NOL4L: variants seen among roughly 807,000 people sequenced by gnomAD.
NOL4L encodes the protein nucleolar protein 4-like.
Under a neutral mutation model 64.5 loss-of-function variants are expected in NOL4L, and 7 were observed. That is an observed-to-expected ratio of 0.11 (90% CI 0.06 to 0.20). The LOEUF is 0.20. Among genes scored for constraint, NOL4L ranks in the 10% least tolerant of loss-of-function variants. NOL4L has a pLI of 1.00. For synonymous variants in NOL4L, 413 were observed against 401.0 expected, an observed-to-expected ratio of 1.03 and a Z score of -0.36; for missense variants, 680 against 967.1, an observed-to-expected ratio of 0.70 and a Z score of 3.94.
At chr20:32,544,386 C>G (rs1226587824) in intron 1 of NOL4L, among the ~76,000 whole-genome samples, 3 of 151,898 alleles carry the variant, frequency 2.0e-5, no homozygotes, top group Non-Finnish European at 1.5e-5. Context: ...GCAGCTGGTA[C>G]CTGAGCAGGG....
At chr20:32,539,176 A>C (rs2018611092) in intron 1 of NOL4L, among the ~76,000 whole-genome samples, 1 of 152,152 alleles carries the variant, frequency 6.6e-6, no homozygotes, top group Non-Finnish European at 1.5e-5. Flanking sequence ...CTGCTCCAGC[A>C]AAGCACTGGG....
chr20:32,469,009 G>A (rs1474238781), intron 5 of NOL4L, among the ~76,000 whole-genome samples: 2 of 152,094 alleles, frequency 1.3e-5, no homozygotes, highest in Non-Finnish European at 2.9e-5. Context: ...CAGTCCCTGT[G>A]GTCTGGGCAA....
intron 4 of NOL4L, among the ~76,000 whole-genome samples, chr20:32,491,397 C>T (rs2016464052): frequency 6.6e-6 from 1 of 152,220 alleles, no homozygotes; most frequent in African/African-American, 2.4e-5. Context: ...CACCTTCCAC[C>T]TCAGCCAAAT....
intron 1 of NOL4L, among the ~76,000 whole-genome samples, chr20:32,551,075 A>G (rs2018794889): frequency 6.6e-6 from 1 of 151,440 alleles, no homozygotes; most frequent in African/African-American, 2.4e-5. Context: ...TAATAATAAT[A>G]CAGTATTATA....
At chr20:32,494,144 T>C (rs996139303) in intron 4 of NOL4L, among the ~76,000 whole-genome samples, 1 of 150,316 alleles carries the variant, frequency 6.7e-6, no homozygotes, top group Admixed American at 6.7e-5. Flanking sequence ...TCCTAGCTAC[T>C]TGGGAGGCTG....
chr20:32,577,175 CAGACCCCTG>C (rs1450704289), intron 1 of NOL4L, among the ~76,000 whole-genome samples: 1 of 152,206 alleles, frequency 6.6e-6, no homozygotes, highest in Non-Finnish European at 1.5e-5. Flanking sequence ...GAGATGGGCT[CAGACCCCTG>C]CCGGAGGGAG....
intron 5 of NOL4L, among the ~76,000 whole-genome samples, chr20:32,468,756 A>G (rs1363126684): frequency 6.6e-6 from 1 of 151,914 alleles, no homozygotes; most frequent in Admixed American, 6.5e-5. Flanking sequence ...AAAATTAGCC[A>G]GGCGTGGTGG....
chr20:32,462,428 G>C (rs943960293), intron 5 of NOL4L, among the ~76,000 whole-genome samples: 8 of 152,170 alleles, frequency 5.3e-5, no homozygotes, highest in Non-Finnish European at 1.0e-4. Flanking sequence ...CCCACAGGAG[G>C]GGGTGGTGCC....
At chr20:32,480,496 GCTCT>G (rs2015648751) in intron 4 of NOL4L, among the ~76,000 whole-genome samples, 1 of 152,164 alleles carries the variant, frequency 6.6e-6, no homozygotes, top group African/African-American at 2.4e-5. Flanking sequence ...CCCAGCACCA[GCTCT>G]ATCCCAAAGC....
intron 1 of NOL4L, chr20:32,533,301 C>T (rs1484301749): frequency 1.3e-5 from 2 of 152,190 alleles, no homozygotes; most frequent in East Asian, 3.8e-4. Flanking sequence ...CAGCAATGGT[C>T]CTTAGACCAG....
Position 32,453,858 on chromosome 20 carries a change from C to A in NOL4L, c.1120-97G>T. 1 of 1,151,026 alleles carries A rather than the reference C, an allele frequency of 8.7e-7. No homozygotes were observed. The allele number at this position is 1,151,026 out of a possible 1,614,324, so 71.3% of individuals were successfully genotyped here. A position where few individuals can be genotyped will look rare whatever the true frequency, so the allele number is the denominator to read the frequency against. ...GGTGAGCTTGGGGACCAGGGTGGCA[C>A]GCATGCCCTGCTGCCACGAGAGCCA... On this transcript the variant is annotated intron_variant, in intron 6 of 10. Coordinates refer to ENST00000621426, the MANE Select transcript of NOL4L (RefSeq NM_001256798.2). This position sits in a 1 kb window ranked among gnomAD's most constrained non-coding sequence, Gnocchi z 5.6.
intron 1 of NOL4L, among the ~76,000 whole-genome samples, chr20:32,564,468 A>T (rs1979294993): frequency 6.6e-6 from 1 of 152,196 alleles, no homozygotes; most frequent in Non-Finnish European, 1.5e-5. Context: ...CAGGATTAGA[A>T]CTCAGCCCAT....
At position 32,453,019 on chromosome 20, in the gene NOL4L, CG is replaced by C; in HGVS notation, c.1498-14del. On this transcript the variant is annotated splice_polypyrimidine_tract_variant and intron_variant, in intron 8 of 10. Transcript: ENST00000621426. The surrounding 1 kb of genome is among the most constrained non-coding windows in gnomAD (Gnocchi z 5.6). Reference sequence around the variant, plus strand: ...GCGTGGGTCTGGTCTGCAGGCAGAACGGGGATGGAGCTAGCATGGGGCCCGT... The same window carrying C: ...GCGTGGGTCTGGTCTGCAGGCAGAACGGGATGGAGCTAGCATGGGGCCCGT... The C allele has an allele frequency of 6.2e-7, 1 of 1,612,444 alleles. No homozygotes were observed. Among genetic ancestry groups the C allele is most frequent in the South Asian group, 1.1e-5 (1 of 91,080 alleles).
chr20:32,452,450 G>A lies in NOL4L; in HGVS notation c.1621-13C>T. On this transcript the variant is annotated splice_polypyrimidine_tract_variant and intron_variant, in intron 9 of 10. Coordinates refer to ENST00000621426, the MANE Select transcript of NOL4L (RefSeq NM_001256798.2). ...CTATGGGCTCATCCTGCAGAGGGGA[G>A]AGGGGGGCGCTGGGGAAACCAAGGG... The A allele has an allele frequency of 6.4e-7, 1 of 1,560,994 alleles. No homozygotes were observed.
chr20:32,476,775 C>T (rs918975488), intron 4 of NOL4L, among the ~76,000 whole-genome samples: 5 of 152,226 alleles, frequency 3.3e-5, no homozygotes, highest in Admixed American at 6.5e-5. Flanking sequence ...ACATTGATGA[C>T]GGCTGCAAAG....
At position 32,456,424 on chromosome 20, in the gene NOL4L, C is replaced by T. The variant is rs541414161; in HGVS notation, c.842-29G>A. The T allele has an allele frequency of 1.4e-5, 20 of 1,439,246 alleles. No homozygotes were observed. In the Admixed American group the frequency reaches 2.5e-4, roughly 18 times the overall value. The allele number at this position is 1,439,246 out of a possible 1,614,324, so 89.2% of individuals were successfully genotyped here. On this transcript the variant is annotated intron_variant, in intron 5 of 10. Transcript: ENST00000621426. ...GAATGAGAGGCCTGGGTGTGAGGCC[C>T]CACCCAAGGCACTGTGGCCACTGCA...
At chr20:32,495,515 C>T (rs899759030) in intron 4 of NOL4L, among the ~76,000 whole-genome samples, 1 of 152,210 alleles carries the variant, frequency 6.6e-6, no homozygotes, top group Non-Finnish European at 1.5e-5. Flanking sequence ...TTGCCAGCAA[C>T]ATGCCTGTCT....
intron 4 of NOL4L, among the ~76,000 whole-genome samples, chr20:32,508,033 TA>T (rs1317951381): frequency 3.3e-5 from 5 of 152,116 alleles, no homozygotes; most frequent in African/African-American, 1.2e-4. Context: ...TAAAATAAAA[TA>T]AAACAAAATA....
chr20:32,477,458 A>G (rs1177066628), intron 4 of NOL4L, among the ~76,000 whole-genome samples: 1 of 152,194 alleles, frequency 6.6e-6, no homozygotes, highest in Admixed American at 6.5e-5. Flanking sequence ...TCCAGCTGTC[A>G]CTGTCTTGTG....
Sources: allele counts gnomAD v4.1 joint callset (sites outside exome capture counted in the v4.1 genomes callset), GRCh38; gene constraint gnomAD v4.1.1; non-coding constraint Gnocchi (gnomAD v3.1); transcripts MANE v1.5; gene names NCBI Gene and HGNC (gene_info 2026-07-23, HGNC 2026-07-21).